Variants in HDAC9 observed in about 807,000 individuals in gnomAD.
The protein encoded by HDAC9 is histone deacetylase 9, also known as MEF-2 interacting transcription repressor (MITR) protein.
In HDAC9, 41 loss-of-function variants were observed where a neutral mutation model predicts 139.4. That is an observed-to-expected ratio of 0.29 (90% CI 0.23 to 0.38). The LOEUF (loss-of-function observed/expected upper bound fraction) is 0.38. HDAC9 is among the 10% of genes least tolerant of loss of function. The pLI is 1.00. For missense variants in HDAC9, 1,147 were observed against 1,297.0 expected, an observed-to-expected ratio of 0.88 and a Z score of 1.78; for synonymous variants, 517 against 476.2, an observed-to-expected ratio of 1.09 and a Z score of -1.12.
At chr7:18,403,437 C>T (rs184812229) in intron 1 of HDAC9, among the ~76,000 whole-genome samples, 40 of 152,140 alleles carry the variant, frequency 2.6e-4, no homozygotes, top group Non-Finnish European at 4.7e-4. Context: ...ATCATAAAAT[C>T]GAAACACGCT....
chr7:18,331,054 A>G (rs369769316), intron 1 of HDAC9, among the ~76,000 whole-genome samples: 1 of 151,868 alleles, frequency 6.6e-6, no homozygotes, highest in African/African-American at 2.4e-5. Context: ...CCATAAACAG[A>G]GATGGGAAAC....
At chr7:18,091,687 T>A (rs376864907) in intron 1 of HDAC9, among the ~76,000 whole-genome samples, 10 of 152,312 alleles carry the variant, frequency 6.6e-5, no homozygotes, top group African/African-American at 2.4e-4. Context: ...CTCAACTAGG[T>A]CCTCTGGCCA....
At chr7:18,652,219 G>C (rs1197132267) in intron 11 of HDAC9, among the ~76,000 whole-genome samples, 1 of 151,984 alleles carries the variant, frequency 6.6e-6, no homozygotes, top group Non-Finnish European at 1.5e-5. Flanking sequence ...CTTTATACCA[G>C]CATCAAGGGA....
chr7:18,183,066 G>A (rs2128142352), intron 2 of HDAC9, among the ~76,000 whole-genome samples: 1 of 150,818 alleles, frequency 6.6e-6, no homozygotes, highest in South Asian at 2.1e-4. Flanking sequence ...CTGGAGTGCA[G>A]TGGCGCAATC....
chr7:18,561,124 A>G lies in HDAC9; in HGVS notation c.23-24157A>G, dbSNP rs181224439. 2.0e-5 allele frequency among the ~76,000 whole-genome samples: 3 copies of G among 152,322 alleles called. No homozygotes were observed. The East Asian group carries it at 5.8e-4, about 29-fold the overall frequency. ...CAAGTGATTAGAATAGAAGAAATAG[A>G]AAGATCCATTGCCTTGATTAAAAGA... On this transcript the variant is annotated intron_variant, in intron 2 of 25. Coordinates refer to ENST00000686413, the MANE Select transcript of HDAC9 (RefSeq NM_178425.4).
At chr7:18,889,469 A>G (rs1184235991) in intron 22 of HDAC9, among the ~76,000 whole-genome samples, 1 of 152,160 alleles carries the variant, frequency 6.6e-6, no homozygotes, top group Non-Finnish European at 1.5e-5. Context: ...TTAAAAATAT[A>G]TTTAAAGTCA....
intron 21 of HDAC9, among the ~76,000 whole-genome samples, chr7:18,847,711 G>T (rs917268072): frequency 6.6e-6 from 1 of 152,190 alleles, no homozygotes; most frequent in African/African-American, 2.4e-5. Context: ...GGTCAGCTGT[G>T]GTGTTACTGA....
chr7:18,491,920 G>A (rs1450341503), upstream of HDAC9, among the ~76,000 whole-genome samples: 1 of 151,880 alleles, frequency 6.6e-6, no homozygotes, highest in African/African-American at 2.4e-5. Flanking sequence ...CCCAAAAAAT[G>A]CTTTAATAGG....
intron 16 of HDAC9, among the ~76,000 whole-genome samples, chr7:18,782,186 A>C (rs1361090401): frequency 6.6e-6 from 1 of 152,084 alleles, no homozygotes; most frequent in Non-Finnish European, 1.5e-5. Flanking sequence ...GAAGAGTTTC[A>C]TTTCCCAACT....
chr7:18,300,192 T>A (rs1040712222), intron 1 of HDAC9, among the ~76,000 whole-genome samples: 31 of 140,600 alleles, frequency 2.2e-4, no homozygotes, highest in East Asian at 6.1e-4. Flanking sequence ...TTTTTGCAAA[T>A]TTTTTTTTTT....
intron 24 of HDAC9, among the ~76,000 whole-genome samples, chr7:18,972,381 T>C (rs1200177194): frequency 2.0e-5 from 1 of 49,754 alleles, no homozygotes; most frequent in Non-Finnish European, 3.9e-5. Context: ...TTTTTTTTTT[T>C]TTTTTTTTTT....
chr7:18,631,348 A>G (rs1016149502), intron 7 of HDAC9, among the ~76,000 whole-genome samples: 2 of 152,060 alleles, frequency 1.3e-5, no homozygotes, highest in Non-Finnish European at 2.9e-5. Flanking sequence ...TTTGGTAGAT[A>G]TTTTTAACTG....
rs1019218038 is a variant in HDAC9, at chr7:18,580,474, T to C, written c.23-4807T>C. The stretch of plus-strand genomic sequence containing the variant: ...TATGAACAATATAATATAATAAATA[T>C]AGCATACATTTGCATTTATTTGCAA... On this transcript the variant is annotated intron_variant, in intron 2 of 25. Transcript: ENST00000686413. 3.9e-5 allele frequency among the ~76,000 whole-genome samples: 6 copies of C among 152,172 alleles called. No homozygotes were observed. In the East Asian group the frequency reaches 7.7e-4, roughly 20 times the overall value.
chr7:18,688,850 T>C (rs1402296072), intron 12 of HDAC9, among the ~76,000 whole-genome samples: 1 of 151,892 alleles, frequency 6.6e-6, no homozygotes. Context: ...GACAAGTAAA[T>C]ATCTTTCCAT....
intron 17 of HDAC9, among the ~76,000 whole-genome samples, chr7:18,811,407 A>T (rs1562958024): frequency 6.6e-6 from 1 of 151,806 alleles, no homozygotes; most frequent in Non-Finnish European, 1.5e-5. Context: ...ATCCAGCTTT[A>T]TCTACATTCT....
chr7:18,764,060 C>T (rs1360349044), intron 15 of HDAC9, among the ~76,000 whole-genome samples: 1 of 151,952 alleles, frequency 6.6e-6, no homozygotes, highest in African/African-American at 2.4e-5. Context: ...AAAAATTTGA[C>T]TCTTTTGAAC....
chr7:18,537,953 C>T (rs1407844253), intron 2 of HDAC9, among the ~76,000 whole-genome samples: 1 of 152,204 alleles, frequency 6.6e-6, no homozygotes, highest in East Asian at 1.9e-4. Flanking sequence ...TAACCTCAGG[C>T]AGCATCATCC....
intron 2 of HDAC9, among the ~76,000 whole-genome samples, chr7:18,272,201 A>C (rs962338205): frequency 1.3e-5 from 2 of 152,252 alleles, no homozygotes; most frequent in African/African-American, 2.4e-5. Context: ...AGTTTCATCA[A>C]ATATTTTCCT....
At chr7:18,948,665 A>G (rs1177272113) in intron 23 of HDAC9, among the ~76,000 whole-genome samples, 9 of 152,222 alleles carry the variant, frequency 5.9e-5, no homozygotes, top group Admixed American at 4.6e-4. Context: ...CTACTATACT[A>G]TATCCTATCA....
Sources: allele counts gnomAD v4.1 joint callset (sites outside exome capture counted in the v4.1 genomes callset), GRCh38; gene constraint gnomAD v4.1.1; transcripts MANE v1.5; gene names NCBI Gene and HGNC (gene_info 2026-07-23, HGNC 2026-07-21).